MCTP1: variants seen among roughly 807,000 people sequenced by gnomAD.
MCTP1 encodes the protein multiple C2 and transmembrane domain-containing protein 1.
Under a neutral mutation model 120.6 loss-of-function variants are expected in MCTP1, and 69 were observed. That is an observed-to-expected ratio of 0.57 (90% CI 0.47 to 0.70). MCTP1 has a LOEUF of 0.70. Ranked by LOEUF, MCTP1 falls within the 30% of genes least tolerant of loss-of-function variation. The pLI, the probability that MCTP1 is intolerant of heterozygous loss-of-function variation, is 0.00. For missense variants in MCTP1, 1,203 were observed against 1,248.8 expected, an observed-to-expected ratio of 0.96 and a Z score of 0.55; for synonymous variants, 529 against 493.1, an observed-to-expected ratio of 1.07 and a Z score of -0.96.
At position 94,912,337 on chromosome 5, in the gene MCTP1, AT is replaced by A. The variant is rs1808861924; in HGVS notation, c.1521+468del. On this transcript the variant is annotated intron_variant, in intron 9 of 22. Transcript: ENST00000515393. ...CTACTCGGGAGGCTGAGAGAGGAGA[AT>A]TGCTTGAACCCGGGAGTCGGAGGTT... Among the ~76,000 whole-genome samples the A allele has an allele frequency of 2.0e-5, 3 of 146,416 alleles. No individual in the cohort carries two copies. In the South Asian group the frequency reaches 6.8e-4, roughly 33 times the overall value.
At chr5:94,940,894 CTA>C (rs1817555009) in intron 4 of MCTP1, among the ~76,000 whole-genome samples, 1 of 151,306 alleles carries the variant, frequency 6.6e-6, no homozygotes, top group Non-Finnish European at 1.5e-5. Flanking sequence ...TACCCAGAGA[CTA>C]TTGATTTATA....
At chr5:94,822,507 C>T (rs1345628907) in intron 17 of MCTP1, among the ~76,000 whole-genome samples, 1 of 152,130 alleles carries the variant, frequency 6.6e-6, no homozygotes, top group African/African-American at 2.4e-5. Flanking sequence ...GTGAATAGTG[C>T]TGCAATAAAC....
intron 2 of MCTP1, among the ~76,000 whole-genome samples, chr5:94,975,403 T>C (rs187992335): frequency 2.9e-4 from 44 of 151,944 alleles, no homozygotes; most frequent in Middle Eastern, 3.4e-3. Context: ...AGCTCTCTCT[T>C]TCTCCATGCA....
At chr5:94,785,993 TC>T (rs1777598316) in intron 18 of MCTP1, among the ~76,000 whole-genome samples, 1 of 152,152 alleles carries the variant, frequency 6.6e-6, no homozygotes, top group South Asian at 2.1e-4. Flanking sequence ...CATATATGAT[TC>T]CATATATGGA....
intron 17 of MCTP1, among the ~76,000 whole-genome samples, chr5:94,854,307 T>C (rs1185954654): frequency 6.6e-6 from 1 of 151,786 alleles, no homozygotes; most frequent in African/African-American, 2.4e-5. Flanking sequence ...GTCATGAATT[T>C]TGCTTGAGGT....
chr5:95,023,805 C>T (rs1368313835), intron 1 of MCTP1, among the ~76,000 whole-genome samples: 1 of 152,310 alleles, frequency 6.6e-6, no homozygotes, highest in African/African-American at 2.4e-5. Flanking sequence ...GCTAGGCTCA[C>T]ATATATTAAA....
intron 17 of MCTP1, among the ~76,000 whole-genome samples, chr5:94,817,731 G>A (rs1366997074): frequency 6.6e-6 from 1 of 152,176 alleles, no homozygotes; most frequent in Non-Finnish European, 1.5e-5. Context: ...GGATCGATTT[G>A]TATTTATACA....
At chr5:95,181,674 TAAATAAA>T (rs1748616310) in intron 1 of MCTP1, among the ~76,000 whole-genome samples, 1 of 152,172 alleles carries the variant, frequency 6.6e-6, no homozygotes, top group South Asian at 2.1e-4. Flanking sequence ...TACAACATTT[TAAATAAA>T]AACCCTAGTC....
intron 19 of MCTP1, among the ~76,000 whole-genome samples, chr5:94,729,584 CAA>C (rs1762761969): frequency 6.6e-6 from 1 of 152,128 alleles, no homozygotes; most frequent in Non-Finnish European, 1.5e-5. Context: ...ATGTGATTTG[CAA>C]GAGAAGAGTA....
chr5:94,779,494 A>G (rs772992630), intron 18 of MCTP1, among the ~76,000 whole-genome samples: 1 of 152,146 alleles, frequency 6.6e-6, no homozygotes, highest in Non-Finnish European at 1.5e-5. Context: ...TGTCTGTATT[A>G]ATCAGGCACT....
chr5:94,810,441 C>G (rs1339467289), intron 17 of MCTP1, among the ~76,000 whole-genome samples: 12 of 152,134 alleles, frequency 7.9e-5, no homozygotes, highest in Admixed American at 2.6e-4. Flanking sequence ...ATATTTAGGG[C>G]AACAGCTGGC....
intron 1 of MCTP1, among the ~76,000 whole-genome samples, chr5:95,210,075 G>C (rs1752152779): frequency 6.6e-6 from 1 of 152,172 alleles, no homozygotes; most frequent in Admixed American, 6.5e-5. Context: ...ATTTGCTGAG[G>C]AGGAGAGCTT....
At chr5:95,031,214 G>C (rs1180398360) in intron 1 of MCTP1, among the ~76,000 whole-genome samples, 1 of 151,918 alleles carries the variant, frequency 6.6e-6, no homozygotes, top group African/African-American at 2.4e-5. Context: ...TTATTTCAGG[G>C]ACTAGTTCAA....
intron 1 of MCTP1, among the ~76,000 whole-genome samples, chr5:95,107,820 T>C (rs1757197451): frequency 6.6e-6 from 1 of 152,194 alleles, no homozygotes; most frequent in African/African-American, 2.4e-5. Context: ...CTATGAAAAC[T>C]TCAATTGTTT....
At chr5:94,900,126 C>T (rs553056692) in intron 10 of MCTP1, among the ~76,000 whole-genome samples, 44 of 152,328 alleles carry the variant, frequency 2.9e-4, no homozygotes, top group Non-Finnish European at 6.3e-4. Flanking sequence ...TCACTTACAA[C>T]TTATCATTCC....
chr5:95,213,188 AC>A (rs1160224546), intron 1 of MCTP1, among the ~76,000 whole-genome samples: 1 of 152,102 alleles, frequency 6.6e-6, no homozygotes, highest in African/African-American at 2.4e-5. Flanking sequence ...AAATCAGTGC[AC>A]AAAATCACAA....
chr5:94,792,109 C>T (rs1297709858), intron 18 of MCTP1: 2 of 152,554 alleles, frequency 1.3e-5, no homozygotes, highest in Non-Finnish European at 2.9e-5. Flanking sequence ...CACACTCAGA[C>T]CTCAAACTCT....
intron 3 of MCTP1, among the ~76,000 whole-genome samples, chr5:94,947,927 C>T (rs1819534630): frequency 6.6e-6 from 1 of 151,772 alleles, no homozygotes; most frequent in East Asian, 1.9e-4. Flanking sequence ...TATTTGAAAC[C>T]ATATTAGAGC....
At chr5:94,709,273 T>TAAGA (rs1291772513) in intron 21 of MCTP1, 1 of 152,140 alleles carries the variant, frequency 6.6e-6, no homozygotes, top group Non-Finnish European at 1.5e-5. Flanking sequence ...TCTCCTCATG[T>TAAGA]AAGACCTATG....
Sources: allele counts gnomAD v4.1 joint callset (sites outside exome capture counted in the v4.1 genomes callset), GRCh38; gene constraint gnomAD v4.1.1; transcripts MANE v1.5; gene names NCBI Gene and HGNC (gene_info 2026-07-23, HGNC 2026-07-21).